CNTNAP5: variants seen among roughly 807,000 people sequenced by gnomAD.
CNTNAP5 encodes the protein contactin-associated protein-like 5.
Under a neutral mutation model 150.2 loss-of-function variants are expected in CNTNAP5, and 72 were observed. That is an observed-to-expected ratio of 0.48 (90% CI 0.40 to 0.58). The LOEUF (loss-of-function observed/expected upper bound fraction) is 0.58. Among genes scored for constraint, CNTNAP5 ranks in the 20% least tolerant of loss-of-function variants. The probability of loss-of-function intolerance (pLI) is 0.00; values close to 1 mark genes in which losing one functional copy is unlikely to be tolerated. For missense variants in CNTNAP5, 1,636 were observed against 1,626.2 expected (o/e 1.01, Z -0.10); for synonymous variants, 672 against 619.8 (o/e 1.08, Z -1.25).
chr2:124,321,953 C>T (rs1324484677), intron 3 of CNTNAP5, among the ~76,000 whole-genome samples: 1 of 152,014 alleles, frequency 6.6e-6, no homozygotes, highest in East Asian at 1.9e-4. Flanking sequence ...AGTTCGAGAC[C>T]AGCCTGACCA....
At chr2:124,556,220 C>T (rs1267272992) in intron 10 of CNTNAP5, among the ~76,000 whole-genome samples, 1 of 152,196 alleles carries the variant, frequency 6.6e-6, no homozygotes, top group African/African-American at 2.4e-5. Context: ...CTTCCTGACT[C>T]TGTCGCTTTG....
intron 21 of CNTNAP5, among the ~76,000 whole-genome samples, chr2:124,879,685 T>C (rs1261491786): frequency 6.6e-6 from 1 of 152,144 alleles, no homozygotes; most frequent in Non-Finnish European, 1.5e-5. Context: ...GTGAAGTGTC[T>C]GGCGCTTAGT....
At chr2:124,401,283 A>C (rs1691419004) in intron 3 of CNTNAP5, among the ~76,000 whole-genome samples, 1 of 152,240 alleles carries the variant, frequency 6.6e-6, no homozygotes, top group African/African-American at 2.4e-5. Context: ...TACTTAACAA[A>C]CATTTATCTT....
In CNTNAP5 at chr2:124,914,295, G is replaced by A. The variant is rs762424497; in HGVS notation, c.*7G>A. 1.2e-6 allele frequency: 2 copies of A among 1,600,758 alleles called. No individual in the cohort carries two copies. Among genetic ancestry groups the A allele is most frequent in the Admixed American group, 1.7e-5 (1 of 59,612 alleles). ...ACGGGAATATTTCATCTGAGAAACT[G>A]CAGGGTTCCTACTACTCTTTTTTCT... On this transcript the variant is annotated 3_prime_UTR_variant, in exon 24 of 24. Coordinates refer to ENST00000682447, the MANE Select transcript of CNTNAP5 (RefSeq NM_001367498.1).
intron 19 of CNTNAP5, among the ~76,000 whole-genome samples, chr2:124,860,497 TTCCTTCTTTCCTTCCTTCC>T (rs1558803950): frequency 3.4e-5 from 3 of 88,338 alleles, no homozygotes; most frequent in East Asian, 5.8e-4. Context: ...CCTTCCTTCC[TTCCTTCTTTCCTTCCTTCC>T]TTCCTTCCTT....
chr2:124,673,974 C>T (rs956631599), intron 13 of CNTNAP5, among the ~76,000 whole-genome samples: 1 of 151,992 alleles, frequency 6.6e-6, no homozygotes, highest in African/African-American at 2.4e-5. Context: ...TTTAACACTC[C>T]CAAATAATAT....
intron 21 of CNTNAP5, among the ~76,000 whole-genome samples, chr2:124,872,844 A>G (rs1367483118): frequency 1.3e-5 from 2 of 152,128 alleles, no homozygotes; most frequent in South Asian, 2.1e-4. Context: ...TGTGTATAGC[A>G]TTCATATGAC....
chr2:124,349,818 A>G (rs1370910897), intron 3 of CNTNAP5, among the ~76,000 whole-genome samples: 1 of 145,472 alleles, frequency 6.9e-6, no homozygotes, highest in Non-Finnish European at 1.5e-5. Context: ...CAGTGTAGCC[A>G]TCTTGCTCAT....
chr2:124,643,172 A>G (rs901268272), intron 12 of CNTNAP5, among the ~76,000 whole-genome samples: 1 of 152,236 alleles, frequency 6.6e-6, no homozygotes, highest in African/African-American at 2.4e-5. Context: ...AATGATGAAC[A>G]GGTTCCTGCC....
At chr2:124,510,755 C>A (rs1252226294) in intron 8 of CNTNAP5, among the ~76,000 whole-genome samples, 1 of 151,946 alleles carries the variant, frequency 6.6e-6, no homozygotes, top group East Asian at 1.9e-4. Flanking sequence ...CCCCATGAAA[C>A]AAGATTAGAT....
intron 22 of CNTNAP5, among the ~76,000 whole-genome samples, chr2:124,905,051 A>G (rs1479313720): frequency 6.7e-6 from 1 of 148,450 alleles, no homozygotes; most frequent in Non-Finnish European, 1.5e-5. Context: ...AAAAAAAAAA[A>G]AAAAGAAAGA....
chr2:124,701,780 T>A, intron 13 of CNTNAP5, among the ~76,000 whole-genome samples: 1 of 152,274 alleles, frequency 6.6e-6, no homozygotes, highest in East Asian at 1.9e-4. Context: ...GCTGAGCACC[T>A]TTACATATGC....
chr2:124,194,988 G>A (rs149301563), intron 1 of CNTNAP5, among the ~76,000 whole-genome samples: 1 of 151,674 alleles, frequency 6.6e-6, no homozygotes, highest in African/African-American at 2.4e-5. Context: ...ATAACTAAAT[G>A]GAAAACTACA....
chr2:124,517,660 G>C (rs1012028112), intron 8 of CNTNAP5, among the ~76,000 whole-genome samples: 1 of 144,880 alleles, frequency 6.9e-6, no homozygotes, highest in African/African-American at 2.6e-5. Context: ...GAGGGTTGTA[G>C]TGTTGGTGAT....
At chr2:124,782,690 G>A (rs1274727261) in intron 17 of CNTNAP5, among the ~76,000 whole-genome samples, 26 of 152,092 alleles carry the variant, frequency 1.7e-4, no homozygotes, top group Admixed American at 1.7e-3. Context: ...TTCTGAGAAT[G>A]CAAACAATTA....
chr2:124,170,078 G>C (rs767571827), intron 1 of CNTNAP5, among the ~76,000 whole-genome samples: 3 of 152,108 alleles, frequency 2.0e-5, no homozygotes, highest in African/African-American at 7.2e-5. Context: ...CTCCAGGAGA[G>C]AGAAGAGGCA....
chr2:124,451,640 C>T (rs113362885), intron 6 of CNTNAP5, among the ~76,000 whole-genome samples: 11 of 152,136 alleles, frequency 7.2e-5, no homozygotes, highest in South Asian at 4.2e-4. Flanking sequence ...TAGGAAAGCC[C>T]GGAGGACACA....
intron 21 of CNTNAP5, among the ~76,000 whole-genome samples, chr2:124,883,842 A>C (rs964607235): frequency 6.6e-6 from 1 of 152,062 alleles, no homozygotes; most frequent in East Asian, 1.9e-4. Context: ...ATATATGTAT[A>C]TCTGGATATC....
chr2:124,265,409 T>C (rs549455525), intron 3 of CNTNAP5, among the ~76,000 whole-genome samples: 4 of 152,266 alleles, frequency 2.6e-5, no homozygotes, highest in Non-Finnish European at 4.4e-5. Context: ...GGGGTCATTA[T>C]CGCCCCTCAT....
Sources: allele counts gnomAD v4.1 joint callset (sites outside exome capture counted in the v4.1 genomes callset), GRCh38; gene constraint gnomAD v4.1.1; transcripts MANE v1.5; gene names NCBI Gene and HGNC (gene_info 2026-07-23, HGNC 2026-07-21).